The following DNAH9 variants were observed in gnomAD, a reference collection of about 807,000 sequenced individuals.
DNAH9 encodes DNAH9 variant protein.
In DNAH9, 345 loss-of-function variants were observed where a neutral mutation model predicts 471.6. That is an observed-to-expected ratio of 0.73 (90% CI 0.67 to 0.80). The LOEUF (loss-of-function observed/expected upper bound fraction) is 0.80, where lower values mean the gene tolerates loss of function less well. Ranked by LOEUF, DNAH9 falls within the 30% of genes least tolerant of loss-of-function variation. DNAH9 has a pLI of 0.00. For missense variants in DNAH9, 5,407 were observed against 5,609.2 expected (o/e 0.96, Z 1.15); for synonymous variants, 2,093 against 2,123.6 (o/e 0.99, Z 0.40).
intron 60 of DNAH9, 107 bp downstream of exon 60, chr17:11,903,019 T>C: frequency 1.6e-6 from 2 of 1,244,406 alleles, no homozygotes; most frequent in Non-Finnish European, 2.2e-6. Flanking sequence ...ATATAGTAGT[T>C]TCCTGGAGCT....
At chr17:11,890,553 A>AT (rs544355733) in intron 57 of DNAH9, among the ~76,000 whole-genome samples, 2 of 152,146 alleles carry the variant, frequency 1.3e-5, no homozygotes, top group South Asian at 2.1e-4. Flanking sequence ...AAGACTTAAG[A>AT]TTTTTTTTCT....
At chr17:11,862,424 C>T (rs1297297965) in intron 50 of DNAH9, among the ~76,000 whole-genome samples, 1 of 128,438 alleles carries the variant, frequency 7.8e-6, no homozygotes, top group Non-Finnish European at 1.7e-5. Flanking sequence ...TTACTGTAGC[C>T]TTGTAGTATA....
intron 65 of DNAH9, among the ~76,000 whole-genome samples, chr17:11,935,254 G>C (rs1481869335): frequency 6.6e-6 from 1 of 151,940 alleles, no homozygotes; most frequent in African/African-American, 2.4e-5. Context: ...GAGCCAGCAC[G>C]CCCGGCCTCA....
intron 65 of DNAH9, among the ~76,000 whole-genome samples, chr17:11,934,515 T>A (rs1040063164): frequency 1.4e-5 from 2 of 144,868 alleles, no homozygotes; most frequent in African/African-American, 5.1e-5. Flanking sequence ...GCGCTATCTC[T>A]GCTCACTGCA....
intron 33 of DNAH9, among the ~76,000 whole-genome samples, chr17:11,753,880 CAG>C (rs769188454): frequency 6.6e-6 from 1 of 152,138 alleles, no homozygotes; most frequent in Non-Finnish European, 1.5e-5. Flanking sequence ...ACTCATGTCA[CAG>C]GGGTTTGTTG....
intron 49 of DNAH9, among the ~76,000 whole-genome samples, 195 bp downstream of exon 49, chr17:11,835,093 C>T (rs1352998988): frequency 6.6e-6 from 1 of 152,190 alleles, no homozygotes; most frequent in East Asian, 1.9e-4. Context: ...CCAATGAAAT[C>T]CCGGAGATGG....
intron 22 of DNAH9, among the ~76,000 whole-genome samples, chr17:11,697,779 AT>A (rs1259200044): frequency 1.3e-5 from 2 of 151,798 alleles, no homozygotes; most frequent in African/African-American, 4.8e-5. Context: ...CTTCCACCAT[AT>A]TTAATTTTTT....
chr17:11,923,100 A>G (rs1974189706), intron 61 of DNAH9, among the ~76,000 whole-genome samples: 1 of 151,314 alleles, frequency 6.6e-6, no homozygotes, highest in African/African-American at 2.4e-5. Flanking sequence ...TTTGAGACTG[A>G]GTTTCGCTCT....
intron 35 of DNAH9, among the ~76,000 whole-genome samples, chr17:11,759,282 C>G (rs971045524): frequency 6.6e-6 from 1 of 151,950 alleles, no homozygotes; most frequent in Non-Finnish European, 1.5e-5. Context: ...CTGCCACCCT[C>G]CCACCTTTTG....
At chr17:11,779,503 G>A (rs987954781) in intron 38 of DNAH9, among the ~76,000 whole-genome samples, 8 of 152,196 alleles carry the variant, frequency 5.3e-5, no homozygotes, top group African/African-American at 9.6e-5. Context: ...AGATAATCCC[G>A]TGCGCTCCAT....
intron 2 of DNAH9, among the ~76,000 whole-genome samples, chr17:11,608,887 T>C (rs2072566501): frequency 6.6e-6 from 1 of 152,154 alleles, no homozygotes; most frequent in Non-Finnish European, 1.5e-5. Context: ...TGAGTAGGCC[T>C]TAAAACCCCA....
chr17:11,702,806 A>C (rs2074624177), intron 24 of DNAH9, among the ~76,000 whole-genome samples: 1 of 152,098 alleles, frequency 6.6e-6, no homozygotes. Context: ...GAAAGTATTC[A>C]CAGTGGCTGG....
In DNAH9 at chr17:11,623,820, G is replaced by T. The variant is rs1352604499; in HGVS notation, c.1350+4039G>T. ...ATCTCTCTGCATGCTCTCGTCACGG[G>T]TTAGAGTGTGAAGGGCTGGTTTTTA... On this transcript the variant is annotated intron_variant, in intron 6 of 68. Coordinates refer to ENST00000262442, the MANE Select transcript of DNAH9 (RefSeq NM_001372.4). The surrounding 1 kb of genome is among the most constrained non-coding windows in gnomAD (Gnocchi z 4.1). 6.6e-6 allele frequency among the ~76,000 whole-genome samples: 1 copy of T among 152,144 alleles called. No homozygotes were observed. The highest frequency in any genetic ancestry group is 1.5e-5 in the Non-Finnish European group (1 of 68,036).
chr17:11,701,989 G>C (rs936426010), intron 24 of DNAH9, among the ~76,000 whole-genome samples: 1 of 152,056 alleles, frequency 6.6e-6, no homozygotes, highest in Admixed American at 6.6e-5. Context: ...GCCATGACAG[G>C]TGTTTTAATA....
intron 52 of DNAH9, among the ~76,000 whole-genome samples, chr17:11,874,541 C>T (rs1972402609): frequency 1.3e-5 from 2 of 151,844 alleles, no homozygotes; most frequent in Admixed American, 1.3e-4. Flanking sequence ...AGGAGCAAAC[C>T]CACTAGGCAT....
chr17:11,812,016 AAAAAAAAAAAATATATATATAT>A (rs1969933403), intron 45 of DNAH9, among the ~76,000 whole-genome samples: 2 of 50,572 alleles, frequency 4.0e-5, no homozygotes, highest in African/African-American at 1.8e-4. Context: ...AAAAAAAAAA[AAAAAAAAAAAATATATATATAT>A]ATATATATAT....
At chr17:11,676,351 C>T (rs112479441) in intron 17 of DNAH9, among the ~76,000 whole-genome samples, 3,535 of 143,616 alleles carry the variant, frequency 0.025, 140 homozygotes, top group African/African-American at 0.084. Flanking sequence ...GGCACGATCT[C>T]GGCTCACTGC....
At chr17:11,967,665 T>C (rs1976850621) in intron 68 of DNAH9, among the ~76,000 whole-genome samples, 1 of 152,094 alleles carries the variant, frequency 6.6e-6, no homozygotes, top group South Asian at 2.1e-4. Flanking sequence ...AAACAAACCA[T>C]GAAACCCATC....
intron 28 of DNAH9, among the ~76,000 whole-genome samples, chr17:11,736,669 A>G (rs1377234264): frequency 3.3e-5 from 5 of 152,204 alleles, no homozygotes; most frequent in Non-Finnish European, 7.3e-5. Context: ...CTCCAACATT[A>G]ACTGCATCTT....
Sources: gnomAD v4.1 joint callset for allele counts (sites outside exome capture counted in the v4.1 genomes callset) on GRCh38, gnomAD v4.1.1 for gene constraint, Gnocchi (gnomAD v3.1) non-coding constraint, MANE v1.5 for transcripts, NCBI Gene and HGNC (gene_info 2026-07-23, HGNC 2026-07-21) for gene names.